The following MBOAT7 variants were observed in gnomAD, a reference collection of about 807,000 sequenced individuals.
MBOAT7 encodes membrane bound acylglycerophosphatidylinositol O-acyltransferase MBOAT7.
A neutral mutation model predicts 47.4 loss-of-function variants in MBOAT7; 40 were observed. The ratio of observed to expected loss-of-function variants is 0.84; its 90% CI spans 0.66 to 1.10. MBOAT7 has a LOEUF of 1.10. Among genes scored for constraint, MBOAT7 ranks in the 50% least tolerant of loss-of-function variants. The pLI is 0.00. For missense variants in MBOAT7, 680 were observed against 655.6 expected, an observed-to-expected ratio of 1.04 and a Z score of -0.41; for synonymous variants, 361 against 292.0, an observed-to-expected ratio of 1.24 and a Z score of -2.41.
chr19:54,182,274 A>C (rs1047161612), intron 5 of MBOAT7, among the ~76,000 whole-genome samples: 30 of 152,248 alleles, frequency 2.0e-4, no homozygotes, highest in Admixed American at 1.4e-3. Flanking sequence ...ATAAATAAAT[A>C]AGACCACATG....
At chr19:54,178,292 A>C in intron 7 of MBOAT7, 1 of 1,003,740 alleles carries the variant, frequency 1.0e-6, no homozygotes, top group South Asian at 4.4e-5. Flanking sequence ...AATGAAAAAC[A>C]ATAAAAATGA....
chr19:54,181,057 G>A lies in MBOAT7; in HGVS notation c.570C>T (p.Pro190=). 1.9e-6 allele frequency: 3 copies of A among 1,542,202 alleles called. No individual in the cohort carries two copies. The highest frequency in any genetic ancestry group is 1.4e-5 in the African/African-American group (1 of 73,122). The change falls in exon 6 of 8, where the codon CCC becomes CCT. Residue 190 remains proline, a synonymous_variant. Transcript: ENST00000245615. ...PFPGAVPSLR[P]LLRRAWPAPL... ...GGGCCGGCCAGGCGCGGCGCAGCAG[G>A]GGCCGCAGGCTGGGCACTGCCCCGG... is the stretch of plus-strand genomic sequence containing the variant.
intron 7 of MBOAT7, among the ~76,000 whole-genome samples, chr19:54,175,192 A>C (rs936542811): frequency 5.3e-5 from 8 of 151,996 alleles, no homozygotes; most frequent in East Asian, 1.9e-4. Context: ...GTTAGCCAGG[A>C]TGGTCTCGAT....
rs1218392604 is a variant in MBOAT7, at chr19:54,173,928, G to A, written c.*116C>T. 5 of 1,295,226 alleles carry A rather than the reference G, an allele frequency of 3.9e-6. No individual in the cohort carries two copies. The highest frequency in any genetic ancestry group is 5.1e-6 in the Non-Finnish European group (5 of 971,964). 80.2% of individuals were successfully genotyped at this position (1,295,226 alleles called of 1,614,324 possible). On this transcript the variant is annotated 3_prime_UTR_variant, in exon 8 of 8. Transcript: ENST00000245615. Reference sequence around the variant, plus strand: ...GTTGCAGGCAGGGTATTTAGCTGGGGAAGAGGAAATTCTCTCCAGGACCCT... The same window carrying A: ...GTTGCAGGCAGGGTATTTAGCTGGGAAAGAGGAAATTCTCTCCAGGACCCT...
Position 54,180,776 on chromosome 19 carries a change from C to T in MBOAT7, c.851G>A (p.Ser284Asn). 1.4e-6 allele frequency: 2 copies of T among 1,461,374 alleles called. No homozygotes were observed. The highest frequency in any genetic ancestry group is 1.8e-6 in the Non-Finnish European group (2 of 1,095,930). The allele number at this position is 1,461,374 out of a possible 1,614,324, so 90.5% of individuals were successfully genotyped here. ...AGCCTCCCTCGCGCCGCCTGACCTGCTGGGGGGTGGGCATTGGAGGGTGGG... is the reference window on the plus strand; with the variant it reads ...AGCCTCCCTCGCGCCGCCTGACCTGTTGGGGGGTGGGCATTGGAGGGTGGG... ...GGPTLQCPPP[S>N]SPEKAASLEY... The change falls in exon 6 of 8, where the codon AGC becomes AAC. Residue 284 changes from serine to asparagine, a missense_variant. Physicochemically the swap from Ser to Asn is conservative, Grantham distance 46. Coordinates refer to ENST00000245615, the MANE Select transcript of MBOAT7 (RefSeq NM_024298.5). This position sits in a 1 kb window ranked among gnomAD's most constrained non-coding sequence, Gnocchi z 5.2.
At chr19:54,182,791 C>T (rs921364203) in intron 5 of MBOAT7, among the ~76,000 whole-genome samples, 15 of 152,102 alleles carry the variant, frequency 9.9e-5, no homozygotes, top group Admixed American at 5.2e-4. Context: ...AACTCCGTCT[C>T]GTGGGTTCAA....
At chr19:54,188,560 C>A in intron 1 of MBOAT7, 49 bp from the exon 2 acceptor site, 1 of 1,516,868 alleles carries the variant, frequency 6.6e-7, no homozygotes, top group Admixed American at 2.1e-5. Flanking sequence ...ATCCAGGCCC[C>A]CTGCCTCCTC....
chr19:54,180,640 G>T lies in MBOAT7; in HGVS notation c.854+133C>A. On this transcript the variant is annotated intron_variant, in intron 6 of 7. Transcript: ENST00000245615. This position sits in a 1 kb window ranked among gnomAD's most constrained non-coding sequence, Gnocchi z 5.2. ...GGGGCTGGCAGGCCATGGTTGCCGA[G>T]GGGGCGACACTCTGCTCAAAAAGGT... is the stretch of plus-strand genomic sequence containing the variant. The T allele has an allele frequency of 1.2e-6, 1 of 828,828 alleles. No homozygotes were observed. The highest frequency in any genetic ancestry group is 2.8e-5 in the East Asian group (1 of 35,282). The allele number at this position is 828,828 out of a possible 1,614,324, so 51.3% of individuals were successfully genotyped here.
chr19:54,180,958 G>A lies in MBOAT7; in HGVS notation c.669C>T (p.Tyr223=), dbSNP rs765592230. The A allele has an allele frequency of 2.0e-5, 31 of 1,578,812 alleles. No individual in the cohort carries two copies. Among genetic ancestry groups the A allele is most frequent in the East Asian group, 9.1e-5 (4 of 43,766 alleles). ...AGAGGCGGGCGGGCAGCGGGCGGGC[G>A]TAGAAGGCGTCCTCGCGCACGGCCT... ...PLEAVREDAF[Y]ARPLPARLFY... Residue 223 remains tyrosine (Y), a synonymous_variant, in exon 6 of 8, where the codon TAC becomes TAT. Transcript: ENST00000245615. This position sits in a 1 kb window ranked among gnomAD's most constrained non-coding sequence, Gnocchi z 5.2.
intron 7 of MBOAT7, among the ~76,000 whole-genome samples, chr19:54,176,374 A>C (rs1011282589): frequency 6.6e-6 from 1 of 152,154 alleles, no homozygotes; most frequent in Non-Finnish European, 1.5e-5. Context: ...TGGCACCTGT[A>C]ATCCCAGCAC....
At chr19:54,187,856 A>G (rs1217618404) in intron 3 of MBOAT7, among the ~76,000 whole-genome samples, 1 of 152,034 alleles carries the variant, frequency 6.6e-6, no homozygotes, top group Non-Finnish European at 1.5e-5. Flanking sequence ...GCTCTATTAA[A>G]AATTCAAGAT....
At chr19:54,177,822 T>A (rs960464572) in intron 7 of MBOAT7, among the ~76,000 whole-genome samples, 2 of 150,566 alleles carry the variant, frequency 1.3e-5, no homozygotes, top group Non-Finnish European at 3.0e-5. Flanking sequence ...GACCTCAAGA[T>A]GATCCACCTG....
chr19:54,181,039 C>T lies in MBOAT7; in HGVS notation c.588G>A (p.Trp196Ter), dbSNP rs1353461069. The change falls in exon 6 of 8, where the codon TGG becomes TGA. Residue 196 changes from tryptophan (W) to a stop codon, truncating the protein, a stop_gained. Transcript: ENST00000245615. LOFTEE classifies it high-confidence loss of function. ...PSLRPLLRRAWPAPLFGLLFL... is the reference protein window; with the variant it reads ...PSLRPLLRRA ...ACAGCAGGCCGAAGAGCGGGGCCGGCCAGGCGCGGCGCAGCAGGGGCCGCA... is the reference window on the plus strand; with the variant it reads ...ACAGCAGGCCGAAGAGCGGGGCCGGTCAGGCGCGGCGCAGCAGGGGCCGCA... 3.2e-6 allele frequency: 5 copies of T among 1,548,594 alleles called. No individual in the cohort carries two copies. Among genetic ancestry groups the T allele is most frequent in the Admixed American group, 2.0e-5 (1 of 50,846 alleles).
At chr19:54,182,504 TG>T (rs1248849750) in intron 5 of MBOAT7, among the ~76,000 whole-genome samples, 62 of 68,066 alleles carry the variant, frequency 9.1e-4, no homozygotes, top group South Asian at 3.0e-3. Flanking sequence ...TTTTGTGTTT[TG>T]TTTTTTTTCA....
chr19:54,184,090 C>A (rs1460715657), intron 4 of MBOAT7, among the ~76,000 whole-genome samples: 1 of 151,852 alleles, frequency 6.6e-6, no homozygotes, highest in African/African-American at 2.4e-5. Flanking sequence ...ACCCCTCAAA[C>A]AACAGGCCAC....
At chr19:54,186,550 C>G (rs1477713002) in intron 4 of MBOAT7, among the ~76,000 whole-genome samples, 1 of 152,200 alleles carries the variant, frequency 6.6e-6, no homozygotes, top group Non-Finnish European at 1.5e-5. Flanking sequence ...TCCACACATC[C>G]TGCGGCCTGA....
chr19:54,175,241 G>C (rs960243464), intron 7 of MBOAT7, among the ~76,000 whole-genome samples: 5 of 152,164 alleles, frequency 3.3e-5, no homozygotes, highest in African/African-American at 4.8e-5. Context: ...GCCTCCCAAA[G>C]TGCTGGGATC....
chr19:54,175,007 G>A (rs1042258465), intron 7 of MBOAT7, among the ~76,000 whole-genome samples: 16 of 130,720 alleles, frequency 1.2e-4, no homozygotes, highest in African/African-American at 2.7e-4. Flanking sequence ...ACAGAGTCTC[G>A]CTCTGTCGCC....
chr19:54,185,645 C>T (rs1295122681), intron 4 of MBOAT7, among the ~76,000 whole-genome samples: 1 of 152,190 alleles, frequency 6.6e-6, no homozygotes. Flanking sequence ...CCATCTTGCC[C>T]TGTTCCACTT....
Sources: gnomAD v4.1 joint callset for allele counts (sites outside exome capture counted in the v4.1 genomes callset) on GRCh38, gnomAD v4.1.1 for gene constraint, Gnocchi (gnomAD v3.1) non-coding constraint, MANE v1.5 for transcripts, NCBI Gene and HGNC (gene_info 2026-07-23, HGNC 2026-07-21) for gene names.